The following TENM3 variants were observed in gnomAD, a reference collection of about 807,000 sequenced individuals.
TENM3 encodes the protein teneurin transmembrane protein 3.
Under a neutral mutation model 255.1 loss-of-function variants are expected in TENM3, and 63 were observed. The ratio of observed to expected loss-of-function variants is 0.25; its 90% CI spans 0.20 to 0.30. The LOEUF (loss-of-function observed/expected upper bound fraction) is 0.30, where lower values mean the gene tolerates loss of function less well. Among genes scored for constraint, TENM3 ranks in the 10% least tolerant of loss-of-function variants. The probability of loss-of-function intolerance (pLI) is 1.00; values close to 1 mark genes in which losing one functional copy is unlikely to be tolerated. For missense variants in TENM3, 2,929 were observed against 3,461.1 expected, an observed-to-expected ratio of 0.85 and a Z score of 3.86; for synonymous variants, 1,306 against 1,322.3, an observed-to-expected ratio of 0.99 and a Z score of 0.27.
the TENM3 span, among the ~76,000 whole-genome samples, chr4:181,933,794 T>C: frequency 6.6e-6 from 1 of 152,122 alleles, no homozygotes; most frequent in African/African-American, 2.4e-5. Flanking sequence ...ACCAAGCTTT[T>C]TAGTCAGCCT....
At chr4:182,434,234 G>A (rs1182881735) in intron 3 of TENM3, among the ~76,000 whole-genome samples, 1 of 152,162 alleles carries the variant, frequency 6.6e-6, no homozygotes, top group Non-Finnish European at 1.5e-5. Context: ...TGAGGACCGG[G>A]AAAGGAGGTG....
chr4:182,326,252 C>G (rs1471637277), intron 2 of TENM3, among the ~76,000 whole-genome samples: 1 of 152,194 alleles, frequency 6.6e-6, no homozygotes, highest in Non-Finnish European at 1.5e-5. Flanking sequence ...CTAATGCTGC[C>G]ACCCTACTGC....
chr4:181,974,768 C>T, the TENM3 span, among the ~76,000 whole-genome samples: 1 of 152,154 alleles, frequency 6.6e-6, no homozygotes, highest in Non-Finnish European at 1.5e-5. Context: ...GATCTTACTT[C>T]TTCCCCCACC....
intron 2 of TENM3, among the ~76,000 whole-genome samples, chr4:182,339,431 C>G (rs1168021216): frequency 6.6e-6 from 1 of 152,196 alleles, no homozygotes; most frequent in Admixed American, 6.5e-5. Context: ...CCTCTTTTAG[C>G]TCCCCTGCCT....
chr4:181,616,246 G>A, the TENM3 span, among the ~76,000 whole-genome samples: 2 of 135,696 alleles, frequency 1.5e-5, no homozygotes, highest in African/African-American at 5.5e-5. Flanking sequence ...AATCTGAGAA[G>A]GTGATGGGAC....
chr4:181,725,477 C>T, the TENM3 span, among the ~76,000 whole-genome samples: 42 of 137,508 alleles, frequency 3.1e-4, no homozygotes, highest in Middle Eastern at 4.1e-3. Flanking sequence ...TTTTTTTAGA[C>T]GGAGTCTCAC....
chr4:182,378,161 G>A (rs1015816914), intron 3 of TENM3, among the ~76,000 whole-genome samples: 4 of 152,210 alleles, frequency 2.6e-5, no homozygotes, highest in Non-Finnish European at 5.9e-5. Flanking sequence ...TAAAGGCAGT[G>A]AGCTCGGGTA....
chr4:182,295,727 G>A (rs910443815), intron 1 of TENM3, among the ~76,000 whole-genome samples: 2 of 152,038 alleles, frequency 1.3e-5, no homozygotes, highest in Admixed American at 6.6e-5. Context: ...CCTTTCATCC[G>A]ATTATTTTTC....
At position 182,792,388 on chromosome 4, in the gene TENM3, C is replaced by T. The variant is rs1766178269; in HGVS notation, c.5716C>T (p.Arg1906Ter). Reference protein sequence around the residue: ...SVARHTMQTIRSIGYYRNIYN... With the variant: ...SVARHTMQTI Reference sequence around the variant, plus strand: ...GGCTCGCCACACCATGCAGACCATCCGATCCATTGGCTACTACCGCAACAT... The same window carrying T: ...GGCTCGCCACACCATGCAGACCATCTGATCCATTGGCTACTACCGCAACAT... Residue 1906 changes from arginine to a stop codon, truncating the protein, a stop_gained, in exon 26 of 28, where the codon CGA becomes TGA. Transcript: ENST00000511685. LOFTEE classifies it high-confidence loss of function. This position sits in a 1 kb window ranked among gnomAD's most constrained non-coding sequence, Gnocchi z 6.3. 1.9e-6 allele frequency: 3 copies of T among 1,614,026 alleles called. No homozygotes were observed. The highest frequency in any genetic ancestry group is 2.5e-6 in the Non-Finnish European group (3 of 1,179,902).
chr4:181,536,618 G>A, the TENM3 span, among the ~76,000 whole-genome samples: 10 of 152,156 alleles, frequency 6.6e-5, no homozygotes, highest in African/African-American at 2.2e-4. Context: ...ATGAGGAAGT[G>A]GTCAATTTCT....
At chr4:182,547,273 T>TA (rs1197457257) in intron 3 of TENM3, among the ~76,000 whole-genome samples, 1 of 152,178 alleles carries the variant, frequency 6.6e-6, no homozygotes, top group East Asian at 1.9e-4. Flanking sequence ...AAGTAGAGTA[T>TA]AATGTTTTAT....
At chr4:181,752,363 A>G in the TENM3 span, among the ~76,000 whole-genome samples, 2 of 152,188 alleles carry the variant, frequency 1.3e-5, no homozygotes, top group Admixed American at 6.5e-5. Flanking sequence ...CAGCCTGGCC[A>G]TTATGGTAAA....
chr4:182,562,878 A>G (rs1202904587), intron 3 of TENM3, among the ~76,000 whole-genome samples: 3 of 151,966 alleles, frequency 2.0e-5, no homozygotes, highest in Admixed American at 2.0e-4. Context: ...GGAAAAGTGA[A>G]CTCTGAGTAC....
At position 182,721,570 on chromosome 4, in the gene TENM3, A is replaced by G. The variant is rs113492572; in HGVS notation, c.2368+7337A>G. 5.9e-3 allele frequency among the ~76,000 whole-genome samples: 891 copies of G among 152,248 alleles called. 9 individuals are homozygous for G. The highest frequency in any genetic ancestry group is 0.02 in the African/African-American group (841 of 41,538). ...TGTGTGAGTGTGTATCTGCATATGAATCTTTGTGTAAATGTACAAATATTT... is the reference window on the plus strand; with the variant it reads ...TGTGTGAGTGTGTATCTGCATATGAGTCTTTGTGTAAATGTACAAATATTT... On this transcript the variant is annotated intron_variant, in intron 13 of 27. Coordinates refer to ENST00000511685, the MANE Select transcript of TENM3 (RefSeq NM_001080477.4).
the TENM3 span, among the ~76,000 whole-genome samples, chr4:181,756,233 A>G: frequency 6.6e-6 from 1 of 152,164 alleles, no homozygotes; most frequent in Admixed American, 6.6e-5. Context: ...TTGTTATCCT[A>G]GTGAAACAGT....
chr4:181,921,301 T>C, the TENM3 span, among the ~76,000 whole-genome samples: 1 of 152,216 alleles, frequency 6.6e-6, no homozygotes, highest in Non-Finnish European at 1.5e-5. Context: ...GGGGATGGCA[T>C]TGAATCTATA....
the TENM3 span, among the ~76,000 whole-genome samples, chr4:181,957,696 G>C: frequency 1.3e-5 from 2 of 152,124 alleles, no homozygotes; most frequent in African/African-American, 4.8e-5. Flanking sequence ...CATCCAACTA[G>C]GCAGACACTA....
intron 1 of TENM3, among the ~76,000 whole-genome samples, chr4:182,209,887 T>C (rs2597109): frequency 0.046 from 7,039 of 152,020 alleles, 521 homozygotes; most frequent in African/African-American, 0.16. Flanking sequence ...AGTGAAGTCA[T>C]CTGCAGGGGG....
At chr4:182,444,947 A>G (rs373539932) in intron 3 of TENM3, among the ~76,000 whole-genome samples, 7 of 152,110 alleles carry the variant, frequency 4.6e-5, no homozygotes, top group African/African-American at 1.7e-4. Flanking sequence ...AGCTGGGATT[A>G]CAGGGGGATG....
Sources: gnomAD v4.1 joint callset for allele counts (sites outside exome capture counted in the v4.1 genomes callset) on GRCh38, gnomAD v4.1.1 for gene constraint, Gnocchi (gnomAD v3.1) non-coding constraint, MANE v1.5 for transcripts, NCBI Gene and HGNC (gene_info 2026-07-23, HGNC 2026-07-21) for gene names.